DPPA4: variants seen among roughly 807,000 people sequenced by gnomAD.
The protein encoded by DPPA4 is developmental pluripotency-associated protein 4.
Under a neutral mutation model 33.7 loss-of-function variants are expected in DPPA4, and 22 were observed. The ratio of observed to expected loss-of-function variants is 0.65; its 90% CI spans 0.47 to 0.93. The LOEUF is 0.93. Among genes scored for constraint, DPPA4 ranks in the 40% least tolerant of loss-of-function variants. The pLI, the probability that DPPA4 is intolerant of heterozygous loss-of-function variation, is 0.00. For missense variants in DPPA4, 340 were observed against 358.6 expected (o/e 0.95, Z 0.42); for synonymous variants, 156 against 132.3 (o/e 1.18, Z -1.23).
chr3:109,330,739 T>C lies in DPPA4; in HGVS notation c.464A>G (p.Glu155Gly). The change falls in exon 5 of 7, where the codon GAA becomes GGA. Residue 155 changes from glutamate to glycine, a missense_variant. By Grantham distance (98) the Glu-to-Gly change is moderately conservative. This residue lies in a region of DPPA4 where 212 missense variants were observed against 206.5 expected (regional missense o/e 1.03). Transcript: ENST00000335658. ...LQKKLKVEKG[E>G]TSLQSSETHP... ...TGTCTCAGAACTTTGCAGGGACGTT[T>C]CCCCCTTTTCCACCTTTAATTTTTT... is the stretch of plus-strand genomic sequence containing the variant. 1.9e-6 allele frequency: 3 copies of C among 1,614,084 alleles called. No homozygotes were observed. The highest frequency in any genetic ancestry group is 2.5e-6 in the Non-Finnish European group (3 of 1,180,026).
At chr3:109,332,163 G>A (rs547215823) in intron 2 of DPPA4, 132 bp from the exon 3 acceptor site, 21 of 703,942 alleles carry the variant, frequency 3.0e-5, no homozygotes, top group East Asian at 1.7e-4. Context: ...GTGCAGTGGC[G>A]CGATCTTGGC....
At chr3:109,336,267 T>C (rs1259689679) in intron 1 of DPPA4, 3 of 152,200 alleles carry the variant, frequency 2.0e-5, no homozygotes, top group Non-Finnish European at 4.4e-5. Context: ...CTATAGCAGT[T>C]CTACATTTTG....
chr3:109,338,005 T>A (rs1708247501), upstream of DPPA4, among the ~76,000 whole-genome samples: 2 of 152,186 alleles, frequency 1.3e-5, no homozygotes, highest in Non-Finnish European at 2.9e-5. Context: ...CAACTAAAAC[T>A]CCAGGTTTCT....
chr3:109,331,543 C>CAAAAAAAAAAA (rs62827961), intron 4 of DPPA4, among the ~76,000 whole-genome samples, 191 bp downstream of exon 4: 12 of 71,468 alleles, frequency 1.7e-4, no homozygotes, highest in Admixed American at 2.1e-4. Context: ...GACTCTGTCT[C>CAAAAAAAAAAA]AAAAAAAAAA....
intron 4 of DPPA4, 127 bp downstream of exon 4, chr3:109,331,607 A>G: frequency 1.5e-6 from 1 of 673,934 alleles, no homozygotes; most frequent in East Asian, 2.7e-5. Context: ...GAGATGGGAA[A>G]TATTGTTCTT....
In DPPA4 at chr3:109,330,821, AG is replaced by A. The variant is rs749020822; in HGVS notation, c.391-10del. ...GCTGTGCTAGGAAAATCCTACAAAA[AG>A]GGTTAAATAATAAAGATAAAAATAC... On this transcript the variant is annotated splice_polypyrimidine_tract_variant and intron_variant, in intron 4 of 6. Transcript: ENST00000335658. 2 of 1,582,018 alleles carry A rather than the reference AG, an allele frequency of 1.3e-6. No homozygotes were observed. Among genetic ancestry groups the A allele is most frequent in the African/African-American group, 2.7e-5 (2 of 72,990 alleles).
Position 109,327,582 on chromosome 3 carries a change from A to T in DPPA4, c.*406T>A, listed in dbSNP as rs1037446499. Reference sequence around the variant, plus strand: ...CTACTCAGGAGGCTGAGGCAGGAGAATCATTTGAACCCAGGAGGCGGAGAT... The same window carrying T: ...CTACTCAGGAGGCTGAGGCAGGAGATTCATTTGAACCCAGGAGGCGGAGAT... On this transcript the variant is annotated 3_prime_UTR_variant, in exon 7 of 7. Transcript: ENST00000335658. The T allele has an allele frequency of 3.2e-5, 5 of 158,208 alleles. No homozygotes were observed. Among genetic ancestry groups the T allele is most frequent in the South Asian group, 1.9e-4 (1 of 5,252 alleles). 9.8% of individuals were successfully genotyped at this position (158,208 alleles called of 1,614,324 possible).
chr3:109,339,354 T>C (rs1421509313), upstream of DPPA4, among the ~76,000 whole-genome samples: 4 of 152,180 alleles, frequency 2.6e-5, no homozygotes, highest in Non-Finnish European at 1.5e-5. Flanking sequence ...TTAGGTCTCT[T>C]TGTTTTCTCA....
chr3:109,332,104 CTTTTT>C, intron 2 of DPPA4, 73 bp from the exon 3 acceptor site: 3 of 1,301,678 alleles, frequency 2.3e-6, no homozygotes, highest in Non-Finnish European at 3.1e-6. Flanking sequence ...AGTAAAATCA[CTTTTT>C]TTTTCTTTTT....
upstream of DPPA4, among the ~76,000 whole-genome samples, chr3:109,337,966 C>T (rs550467215): frequency 6.6e-6 from 1 of 152,328 alleles, no homozygotes; most frequent in Admixed American, 6.5e-5. Flanking sequence ...GTACCAAATA[C>T]ATTCCATTTC....
chr3:109,338,747 C>G (rs1708258995), upstream of DPPA4, among the ~76,000 whole-genome samples: 1 of 152,172 alleles, frequency 6.6e-6, no homozygotes, highest in African/African-American at 2.4e-5. Flanking sequence ...GAGTTGAGGT[C>G]ATCTGGGAGA....
Position 109,331,943 on chromosome 3 carries a change from T to C in DPPA4, c.267A>G (p.Pro89=), listed in dbSNP as rs912052242. Residue 89 remains proline, a synonymous_variant, in exon 3 of 7, where the codon CCA becomes CCG. Coordinates refer to ENST00000335658, the MANE Select transcript of DPPA4 (RefSeq NM_018189.4). ...TGTCCCGGTGAATCAGATTAACAGG[T>C]GGCAGTTTAGAAGGTAATGGAGGGA... is the stretch of plus-strand genomic sequence containing the variant. ...IPIPPLPSKL[P]PVNLIHRDIL... 8 of 1,614,036 alleles carry C rather than the reference T, an allele frequency of 5.0e-6. No individual in the cohort carries two copies. The highest frequency in any genetic ancestry group is 6.8e-6 in the Non-Finnish European group (8 of 1,179,998).
rs1156618642 is a variant in DPPA4 at position 109,326,213 on chromosome 3, G to T, written c.*1775C>A. On this transcript the variant is annotated 3_prime_UTR_variant, in exon 7 of 7. Transcript: ENST00000335658. ...TTTATTGAAATGTGTTAGAAGCAGG[G>T]GAAGTATCTACAAGCAGAATCGTAA... The T allele has an allele frequency of 6.6e-6, 1 of 151,900 alleles. No individual in the cohort carries two copies. The highest frequency in any genetic ancestry group is 2.4e-5 in the African/African-American group (1 of 41,336). 9.4% of individuals were successfully genotyped at this position (151,900 alleles called of 1,614,324 possible).
chr3:109,330,873 C>CTACGGGT, intron 4 of DPPA4, 61 bp from the exon 5 acceptor site: 1 of 1,447,058 alleles, frequency 6.9e-7, no homozygotes, highest in Non-Finnish European at 9.3e-7. Flanking sequence ...CAAAAATGGC[C>CTACGGGT]TAAGGAGCTC....
chr3:109,333,117 G>GT (rs961025661), intron 2 of DPPA4, among the ~76,000 whole-genome samples: 2 of 152,064 alleles, frequency 1.3e-5, no homozygotes, highest in African/African-American at 4.8e-5. Flanking sequence ...CAAGGCAGAC[G>GT]ATCACTTGAG....
chr3:109,332,070 T>C, intron 2 of DPPA4, 39 bp from the exon 3 acceptor site: 10 of 1,492,532 alleles, frequency 6.7e-6, no homozygotes, highest in Non-Finnish European at 8.2e-6. Flanking sequence ...TAATTATCTT[T>C]GTGTAGCTTT....
Position 109,330,320 on chromosome 3 carries a change from A to G in DPPA4, c.679+204T>C, listed in dbSNP as rs1708037221. 51 of 167,506 alleles carry G rather than the reference A, an allele frequency of 3.0e-4. 1 individual carries two copies. The highest frequency in any genetic ancestry group is 2.8e-3 in the East Asian group (40 of 14,518). 10.4% of individuals were successfully genotyped at this position (167,506 alleles called of 1,614,324 possible). The stretch of plus-strand genomic sequence containing the variant: ...TGTCTCAAAAAAAAAAAAAAAAAAA[A>G]AAAAAAAAAAAGGAAAAAAAAAAAA... On this transcript the variant is annotated intron_variant, in intron 5 of 6. Coordinates refer to ENST00000335658, the MANE Select transcript of DPPA4 (RefSeq NM_018189.4).
chr3:109,336,014 G>A (rs542689633), intron 1 of DPPA4, among the ~76,000 whole-genome samples: 1 of 151,554 alleles, frequency 6.6e-6, no homozygotes, highest in African/African-American at 2.4e-5. Flanking sequence ...CTACCTGGGC[G>A]TGGTGGTGCG....
intron 2 of DPPA4, chr3:109,333,535 G>T: frequency 4.4e-6 from 1 of 229,878 alleles, no homozygotes; most frequent in Non-Finnish European, 8.6e-6. Context: ...TTTTAGAATA[G>T]GAAGTCCGGT....
Sources: allele counts gnomAD v4.1 joint callset (sites outside exome capture counted in the v4.1 genomes callset), GRCh38; gene constraint gnomAD v4.1.1; regional missense constraint gnomAD v4.1.1; transcripts MANE v1.5; gene names NCBI Gene and HGNC (gene_info 2026-07-23, HGNC 2026-07-21).